Variants in ZNF407 observed in about 807,000 individuals in gnomAD.
ZNF407 encodes the protein zinc finger protein 407.
In ZNF407, 17 loss-of-function variants were observed where a neutral mutation model predicts 131.2. That is an observed-to-expected ratio of 0.13 (90% CI 0.09 to 0.19). The LOEUF is 0.19. Ranked by LOEUF, ZNF407 falls within the 10% of genes least tolerant of loss-of-function variation. ZNF407 has a pLI of 1.00. For synonymous variants in ZNF407, 1,156 were observed against 1,062.0 expected (o/e 1.09, Z -1.72); for missense variants, 2,681 against 2,830.6 (o/e 0.95, Z 1.20).
chr18:74,624,134 C>T (rs1433044052), intron 1 of ZNF407, among the ~76,000 whole-genome samples: 1 of 152,156 alleles, frequency 6.6e-6, no homozygotes, highest in Non-Finnish European at 1.5e-5. Context: ...CCTCTGAGAG[C>T]TGGCAGTCAG....
chr18:75,021,170 A>T (rs1482005224), intron 8 of ZNF407, among the ~76,000 whole-genome samples: 1 of 152,166 alleles, frequency 6.6e-6, no homozygotes, highest in Non-Finnish European at 1.5e-5. Context: ...AAAGCAACAC[A>T]TCACATAGAT....
chr18:74,828,468 C>T (rs892277823), intron 4 of ZNF407, among the ~76,000 whole-genome samples: 3 of 152,126 alleles, frequency 2.0e-5, no homozygotes, highest in Admixed American at 6.5e-5. Flanking sequence ...TTATATCTGA[C>T]GAGGCTGCTA....
chr18:75,022,481 A>G (rs998837725), intron 8 of ZNF407, among the ~76,000 whole-genome samples: 1 of 152,180 alleles, frequency 6.6e-6, no homozygotes, highest in African/African-American at 2.4e-5. Context: ...ATTGTTTCAC[A>G]TTGTACATGG....
intron 8 of ZNF407, among the ~76,000 whole-genome samples, chr18:74,942,949 C>G (rs777490207): frequency 4.0e-5 from 6 of 150,992 alleles, no homozygotes; most frequent in Admixed American, 6.6e-5. Flanking sequence ...GGGAGTCTCA[C>G]TCTGTCGCCC....
At chr18:74,900,080 G>A (rs1971503674) in intron 7 of ZNF407, among the ~76,000 whole-genome samples, 1 of 152,208 alleles carries the variant, frequency 6.6e-6, no homozygotes, top group Non-Finnish European at 1.5e-5. Flanking sequence ...TGTGCCAAAT[G>A]TTTAAATGTC....
intron 3 of ZNF407, among the ~76,000 whole-genome samples, chr18:74,672,163 A>T (rs1181981485): frequency 6.6e-6 from 1 of 151,984 alleles, no homozygotes; most frequent in Non-Finnish European, 1.5e-5. Flanking sequence ...ACTAACTCAC[A>T]CTCCCAACAG....
intron 4 of ZNF407, among the ~76,000 whole-genome samples, chr18:74,820,237 C>T (rs1970322119): frequency 6.6e-6 from 1 of 152,160 alleles, no homozygotes; most frequent in Non-Finnish European, 1.5e-5. Flanking sequence ...CTGGGGAGGG[C>T]AGGCAGCAGG....
At chr18:74,737,435 T>C (rs1968443819) in intron 3 of ZNF407, among the ~76,000 whole-genome samples, 2 of 152,368 alleles carry the variant, frequency 1.3e-5, no homozygotes, top group Middle Eastern at 3.4e-3. Context: ...AATACATAAT[T>C]ACACATTTAT....
In ZNF407 at chr18:74,947,948, C is replaced by A. The variant is rs142502845; in HGVS notation, c.5428+27256C>A. ...CACAGAAAAGTGCTGTAAATTCACA[C>A]CTTCAAAACCAAGGGTCAAAGAGAA... On this transcript the variant is annotated intron_variant, in intron 8 of 8. Coordinates refer to ENST00000299687, the MANE Select transcript of ZNF407 (RefSeq NM_017757.3). 2.8e-3 allele frequency among the ~76,000 whole-genome samples: 419 copies of A among 152,272 alleles called. 1 individual carries two copies. The highest frequency in any genetic ancestry group is 9.2e-3 in the African/African-American group (383 of 41,540).
rs546490482 is a variant in ZNF407 at position 74,792,557 on chromosome 18, T to C, written c.4877+11055T>C. Among the ~76,000 whole-genome samples, 3 of 151,594 alleles carry C rather than the reference T, an allele frequency of 2.0e-5. No individual in the cohort carries two copies. The South Asian group carries it at 6.3e-4, about 32-fold the overall frequency. ...TTAAAAAATTATATTGTTATTATGA[T>C]AATAAAATATCGAACATTAGGAGAA... is the stretch of plus-strand genomic sequence containing the variant. On this transcript the variant is annotated intron_variant, in intron 4 of 8. Transcript: ENST00000299687.
chr18:74,656,507 A>G (rs142577390), intron 3 of ZNF407, among the ~76,000 whole-genome samples: 93 of 152,238 alleles, frequency 6.1e-4, no homozygotes, highest in Non-Finnish European at 1.1e-3. Context: ...AATGCAAACA[A>G]TATTAGTCCT....
At chr18:74,877,034 A>G (rs906554430) in intron 4 of ZNF407, among the ~76,000 whole-genome samples, 163 bp from the exon 5 acceptor site, 2 of 152,240 alleles carry the variant, frequency 1.3e-5, no homozygotes, top group Non-Finnish European at 2.9e-5. Flanking sequence ...GCCTCGACAG[A>G]AAAATCAATG....
intron 8 of ZNF407, among the ~76,000 whole-genome samples, chr18:75,036,103 C>A (rs376616648): frequency 6.6e-6 from 1 of 152,244 alleles, no homozygotes; most frequent in East Asian, 1.9e-4. Flanking sequence ...CTGATGTAAT[C>A]ATTGTAGTCA....
intron 1 of ZNF407, among the ~76,000 whole-genome samples, chr18:74,609,076 T>C (rs570256700): frequency 1.3e-5 from 2 of 152,198 alleles, no homozygotes; most frequent in South Asian, 4.1e-4. Context: ...TGTTATTATT[T>C]ATTAGAACCA....
At chr18:74,780,368 T>C (rs1969574860) in intron 3 of ZNF407, among the ~76,000 whole-genome samples, 1 of 152,210 alleles carries the variant, frequency 6.6e-6, no homozygotes, top group Non-Finnish European at 1.5e-5. Flanking sequence ...GATACAGTAC[T>C]TTACAGTCTT....
At chr18:74,663,613 T>G (rs1985808616) in intron 3 of ZNF407, among the ~76,000 whole-genome samples, 1 of 152,174 alleles carries the variant, frequency 6.6e-6, no homozygotes, top group Non-Finnish European at 1.5e-5. Flanking sequence ...AGGATAATAT[T>G]TCAGGAGTTT....
intron 7 of ZNF407, among the ~76,000 whole-genome samples, chr18:74,920,091 A>G (rs1485377882): frequency 1.3e-5 from 2 of 152,206 alleles, no homozygotes; most frequent in Non-Finnish European, 2.9e-5. Flanking sequence ...ACCTTGCGTG[A>G]CAGAACTTAA....
At chr18:74,938,385 T>C (rs1972061903) in intron 8 of ZNF407, among the ~76,000 whole-genome samples, 1 of 152,192 alleles carries the variant, frequency 6.6e-6, no homozygotes, top group South Asian at 2.1e-4. Context: ...CAGGTAGTAT[T>C]TATTAGAGTG....
At chr18:75,041,323 A>G (rs1308757608) in intron 8 of ZNF407, among the ~76,000 whole-genome samples, 2 of 152,216 alleles carry the variant, frequency 1.3e-5, no homozygotes, top group African/African-American at 4.8e-5. Flanking sequence ...ATTATTATGA[A>G]AAAGAAGACA....
Sources: gnomAD v4.1 joint callset for allele counts (sites outside exome capture counted in the v4.1 genomes callset) on GRCh38, gnomAD v4.1.1 for gene constraint, MANE v1.5 for transcripts, NCBI Gene and HGNC (gene_info 2026-07-23, HGNC 2026-07-21) for gene names.